The following TMEM215 variants were observed in gnomAD, a reference collection of about 807,000 sequenced individuals.
TMEM215 encodes transmembrane protein 215.
TMEM215 carries 12 observed loss-of-function variants against 14.7 expected under a neutral mutation model. The ratio of observed to expected loss-of-function variants is 0.82; its 90% CI spans 0.52 to 1.33. The LOEUF is 1.33. Among genes scored for constraint, TMEM215 ranks in the 40% most tolerant of loss-of-function variants. TMEM215 has a pLI of 0.00. For synonymous variants in TMEM215, 122 were observed against 124.8 expected, an observed-to-expected ratio of 0.98 and a Z score of 0.15; for missense variants, 276 against 296.2, an observed-to-expected ratio of 0.93 and a Z score of 0.50.
Position 32,783,858 on chromosome 9 carries a change from T to C in TMEM215, c.-59+53T>C. On this transcript the variant is annotated intron_variant, in intron 1 of 1. Coordinates refer to ENST00000342743, the MANE Select transcript of TMEM215 (RefSeq NM_212558.3). ...GTTGATATGAGAGAGAGACGGAGGT[T>C]GCAATAGTGAGAGGAAGAGAGGGAG... 1.4e-5 allele frequency: 4 copies of C among 284,314 alleles called. No individual in the cohort carries two copies. In the South Asian group the frequency reaches 2.2e-4, roughly 16 times the overall value. 17.6% of individuals were successfully genotyped at this position (284,314 alleles called of 1,614,324 possible).
Position 32,788,476 on chromosome 9 carries a change from A to T in TMEM215, c.*3585A>T, listed in dbSNP as rs926052570. On this transcript the variant is annotated 3_prime_UTR_variant, in exon 2 of 2. Coordinates refer to ENST00000342743, the MANE Select transcript of TMEM215 (RefSeq NM_212558.3). ...TAGTATTTCTAATTATCAATGAACG[A>T]TTGTGTAATATGCCATTTTAGTGAT... is the stretch of plus-strand genomic sequence containing the variant. 3.3e-5 allele frequency among the ~76,000 whole-genome samples: 5 copies of T among 152,158 alleles called. No homozygotes were observed. Among genetic ancestry groups the T allele is most frequent in the Admixed American group, 1.3e-4 (2 of 15,276 alleles).
rs1824510745 is a variant in TMEM215 at position 32,786,700 on chromosome 9, G to A, written c.*1809G>A. The A allele has an allele frequency of 6.0e-6, 1 of 166,896 alleles. No homozygotes were observed. The highest frequency in any genetic ancestry group is 6.6e-5 in the Admixed American group (1 of 15,266). The allele number at this position is 166,896 out of a possible 1,614,324, so 10.3% of individuals were successfully genotyped here. On this transcript the variant is annotated 3_prime_UTR_variant, in exon 2 of 2. Coordinates refer to ENST00000342743, the MANE Select transcript of TMEM215 (RefSeq NM_212558.3). ...TTATGATAATTATGTGACATACATT[G>A]CACAGCTACTACTCAAAAAAGAATT... is the stretch of plus-strand genomic sequence containing the variant.
At position 32,784,740 on chromosome 9, in the gene TMEM215, G is replaced by A. The variant is rs753542430; in HGVS notation, c.557G>A (p.Arg186Lys). ...ALDVKCSARD[R>K]SECPEPEDSI... ...GACGTCAAGTGCTCAGCAAGGGACA[G>A]ATCTGAGTGCCCTGAGCCTGAGGAT... The change falls in exon 2 of 2, where the codon AGA becomes AAA. Residue 186 changes from arginine (R) to lysine (K), a missense_variant. Physicochemically the swap from Arg to Lys is conservative, Grantham distance 26. Transcript: ENST00000342743. The A allele has an allele frequency of 3.7e-6, 6 of 1,614,136 alleles. No homozygotes were observed. The South Asian group carries it at 6.6e-5, about 18-fold the overall frequency.
Position 32,784,423 on chromosome 9 carries a change from G to A in TMEM215, c.240G>A (p.Leu80=). The A allele has an allele frequency of 6.2e-7, 1 of 1,614,186 alleles. No homozygotes were observed. Among genetic ancestry groups the A allele is most frequent in the Non-Finnish European group, 8.5e-7 (1 of 1,180,028 alleles). The part of the protein sequence containing the change: ...PENELLWVRK[L]PCFRKPKDKE... ...ACGAGCTGCTGTGGGTCCGCAAATTGCCCTGCTTCCGGAAACCCAAAGACA... is the reference window on the plus strand; with the variant it reads ...ACGAGCTGCTGTGGGTCCGCAAATTACCCTGCTTCCGGAAACCCAAAGACA... The change falls in exon 2 of 2, where the codon TTG becomes TTA. Residue 80 remains leucine, a synonymous_variant. Coordinates refer to ENST00000342743, the MANE Select transcript of TMEM215 (RefSeq NM_212558.3).
Position 32,786,555 on chromosome 9 carries a change from T to C in TMEM215, c.*1664T>C, listed in dbSNP as rs300639. Reference sequence around the variant, plus strand: ...TCTGTGAAGGGAGGGGGAACTGATTTACACTTGATTATTTCTATCATTCAT... The same window carrying C: ...TCTGTGAAGGGAGGGGGAACTGATTCACACTTGATTATTTCTATCATTCAT... On this transcript the variant is annotated 3_prime_UTR_variant, in exon 2 of 2. Coordinates refer to ENST00000342743, the MANE Select transcript of TMEM215 (RefSeq NM_212558.3). 0.9 allele frequency: 150,126 copies of C among 166,984 alleles called. 68,325 individuals carry two copies. Among genetic ancestry groups the C allele is most frequent in the East Asian group, 1 (5,164 of 5,188 alleles). 10.3% of individuals were successfully genotyped at this position (166,984 alleles called of 1,614,324 possible).
Position 32,787,295 on chromosome 9 carries a change from C to A in TMEM215, c.*2404C>A, listed in dbSNP as rs1414814442. The A allele has an allele frequency of 6.0e-6, 1 of 166,740 alleles. No individual in the cohort carries two copies. Among genetic ancestry groups the A allele is most frequent in the Non-Finnish European group, 1.5e-5 (1 of 68,002 alleles). The allele number at this position is 166,740 out of a possible 1,614,324, so 10.3% of individuals were successfully genotyped here. A position where few individuals can be genotyped will look rare whatever the true frequency, so the allele number is the denominator to read the frequency against. On this transcript the variant is annotated 3_prime_UTR_variant, in exon 2 of 2. Coordinates refer to ENST00000342743, the MANE Select transcript of TMEM215 (RefSeq NM_212558.3). ...TTCAAGTTCTACTTCAGAAGAAAACCTATTTCATGTTTCTTCTCCCATTAC... is the reference window on the plus strand; with the variant it reads ...TTCAAGTTCTACTTCAGAAGAAAACATATTTCATGTTTCTTCTCCCATTAC...
At chr9:32,783,914 C>A in intron 1 of TMEM215, 109 bp downstream of exon 1, 1 of 424,202 alleles carries the variant, frequency 2.4e-6, no homozygotes, top group Non-Finnish European at 4.2e-6. Flanking sequence ...GGAGAGGGGA[C>A]GGAGAGAAAG....
Position 32,787,300 on chromosome 9 carries a change from T to G in TMEM215, c.*2409T>G, listed in dbSNP as rs1824517348. ...GTTCTACTTCAGAAGAAAACCTATT[T>G]CATGTTTCTTCTCCCATTACCTACT... is the stretch of plus-strand genomic sequence containing the variant. On this transcript the variant is annotated 3_prime_UTR_variant, in exon 2 of 2. Coordinates refer to ENST00000342743, the MANE Select transcript of TMEM215 (RefSeq NM_212558.3). 6.0e-6 allele frequency: 1 copy of G among 166,908 alleles called. No homozygotes were observed. Among genetic ancestry groups the G allele is most frequent in the Non-Finnish European group, 1.5e-5 (1 of 68,032 alleles). 10.3% of individuals were successfully genotyped at this position (166,908 alleles called of 1,614,324 possible). A position where few individuals can be genotyped will look rare whatever the true frequency, so the allele number is the denominator to read the frequency against.
rs1824501567 is a variant in TMEM215 at position 32,785,908 on chromosome 9, C to T, written c.*1017C>T. The T allele has an allele frequency of 6.0e-6, 1 of 166,938 alleles. No homozygotes were observed. The highest frequency in any genetic ancestry group is 2.4e-5 in the African/African-American group (1 of 41,438). 10.3% of individuals were successfully genotyped at this position (166,938 alleles called of 1,614,324 possible). A position where few individuals can be genotyped will look rare whatever the true frequency, so the allele number is the denominator to read the frequency against. On this transcript the variant is annotated 3_prime_UTR_variant, in exon 2 of 2. Coordinates refer to ENST00000342743, the MANE Select transcript of TMEM215 (RefSeq NM_212558.3). Reference sequence around the variant, plus strand: ...ACCTTTGGAAGTGTCATTATTTGTACATTTGTTCAACTCCTCTCACAGACT... The same window carrying T: ...ACCTTTGGAAGTGTCATTATTTGTATATTTGTTCAACTCCTCTCACAGACT...
rs931982897 is a variant in TMEM215, at chr9:32,787,688, A to G, written c.*2797A>G. Among the ~76,000 whole-genome samples, 1 of 152,132 alleles carries G rather than the reference A, an allele frequency of 6.6e-6. No individual in the cohort carries two copies. The highest frequency in any genetic ancestry group is 1.5e-5 in the Non-Finnish European group (1 of 67,976). The stretch of plus-strand genomic sequence containing the variant: ...AGCAACTCATTCTGATGAGTTACAC[A>G]GTTTTAGCAAATTGTTCTTATCAAT... On this transcript the variant is annotated 3_prime_UTR_variant, in exon 2 of 2. Transcript: ENST00000342743.
chr9:32,784,963 T>TCCAA lies in TMEM215; in HGVS notation c.*72_*73insCCAA. 13 of 1,306,410 alleles carry TCCAA rather than the reference T, an allele frequency of 1.0e-5. No homozygotes were observed. Among genetic ancestry groups the TCCAA allele is most frequent in the South Asian group, 1.3e-5 (1 of 75,378 alleles). 80.9% of individuals were successfully genotyped at this position (1,306,410 alleles called of 1,614,324 possible). A position where few individuals can be genotyped will look rare whatever the true frequency, so the allele number is the denominator to read the frequency against. ...AGCTCCCCGTGGAAGCAAATTGCTC[T>TCCAA]GCTTGGAGAGCCTTCACACTGTTAG... is the stretch of plus-strand genomic sequence containing the variant. On this transcript the variant is annotated 3_prime_UTR_variant, in exon 2 of 2. Coordinates refer to ENST00000342743, the MANE Select transcript of TMEM215 (RefSeq NM_212558.3).
At position 32,785,980 on chromosome 9, in the gene TMEM215, C is replaced by A. The variant is rs932972223; in HGVS notation, c.*1089C>A. On this transcript the variant is annotated 3_prime_UTR_variant, in exon 2 of 2. Coordinates refer to ENST00000342743, the MANE Select transcript of TMEM215 (RefSeq NM_212558.3). Reference sequence around the variant, plus strand: ...ACTCATCTACTAAATTTAACTGAAGCCTAGATTTTATTAAGCTCACCTGAT... The same window carrying A: ...ACTCATCTACTAAATTTAACTGAAGACTAGATTTTATTAAGCTCACCTGAT... 6.0e-6 allele frequency: 1 copy of A among 166,902 alleles called. No homozygotes were observed. The highest frequency in any genetic ancestry group is 6.5e-5 in the Admixed American group (1 of 15,268). The allele number at this position is 166,902 out of a possible 1,614,324, so 10.3% of individuals were successfully genotyped here.
rs542711879 is a variant in TMEM215 at position 32,786,623 on chromosome 9, A to C, written c.*1732A>C. On this transcript the variant is annotated 3_prime_UTR_variant, in exon 2 of 2. Transcript: ENST00000342743. ...TATGGTGTTATGTCAAAGGCATTTT[A>C]TATATTGCCAGGAAATGAGTTACAG... 6.0e-5 allele frequency: 10 copies of C among 167,104 alleles called. No individual in the cohort carries two copies. The highest frequency in any genetic ancestry group is 1.9e-4 in the African/African-American group (8 of 41,578). 10.4% of individuals were successfully genotyped at this position (167,104 alleles called of 1,614,324 possible).
In TMEM215 at chr9:32,787,121, G is replaced by T. The variant is rs1327669896; in HGVS notation, c.*2230G>T. The T allele has an allele frequency of 1.2e-5, 2 of 166,982 alleles. No individual in the cohort carries two copies. Among genetic ancestry groups the T allele is most frequent in the Non-Finnish European group, 2.9e-5 (2 of 68,028 alleles). 10.3% of individuals were successfully genotyped at this position (166,982 alleles called of 1,614,324 possible). ...ATAATGCTGCAATTTTCTGAAAGAA[G>T]ATGCTTGCAGTGTCAGGTATGGTTT... On this transcript the variant is annotated 3_prime_UTR_variant, in exon 2 of 2. Coordinates refer to ENST00000342743, the MANE Select transcript of TMEM215 (RefSeq NM_212558.3).
Position 32,784,318 on chromosome 9 carries a change from C to T in TMEM215, c.135C>T (p.Ile45=), listed in dbSNP as rs756203663. The change falls in exon 2 of 2, where the codon ATC becomes ATT. Residue 45 remains isoleucine, a synonymous_variant. Coordinates refer to ENST00000342743, the MANE Select transcript of TMEM215 (RefSeq NM_212558.3). ...TGGGAAACATCCCCCTCCTGGCCATCGGGCCAGCCATCTGCCTACCAGGCA... is the reference window on the plus strand; with the variant it reads ...TGGGAAACATCCCCCTCCTGGCCATTGGGCCAGCCATCTGCCTACCAGGCA... The part of the protein sequence containing the change: ...ETLGNIPLLA[I]GPAICLPGIA... 1.2e-6 allele frequency: 2 copies of T among 1,614,224 alleles called. No homozygotes were observed. The highest frequency in any genetic ancestry group is 1.1e-5 in the South Asian group (1 of 91,084).
chr9:32,784,237 T>C lies in TMEM215; in HGVS notation c.54T>C (p.Ser18=). The C allele has an allele frequency of 1.9e-6, 3 of 1,614,122 alleles. No homozygotes were observed. The highest frequency in any genetic ancestry group is 2.5e-6 in the Non-Finnish European group (3 of 1,180,012). ...PRTGLVVALV[S]VFLVFGFMFT... is the part of the protein sequence containing the mutation. ...CTGGGCTGGTGGTGGCCCTGGTCAG[T>C]GTCTTCCTCGTCTTTGGTTTCATGT... The change falls in exon 2 of 2, where the codon AGT becomes AGC. Residue 18 remains serine (S), a synonymous_variant. Coordinates refer to ENST00000342743, the MANE Select transcript of TMEM215 (RefSeq NM_212558.3).
chr9:32,783,975 T>C (rs555702607), intron 1 of TMEM215, among the ~76,000 whole-genome samples, 151 bp from the exon 2 acceptor site: 2 of 151,464 alleles, frequency 1.3e-5, no homozygotes, highest in Non-Finnish European at 2.9e-5. Flanking sequence ...GAGAGAGAGA[T>C]AGAGAGATTG....
Position 32,784,605 on chromosome 9 carries a change from C to G in TMEM215, c.422C>G (p.Thr141Arg). The G allele has an allele frequency of 1.2e-6, 2 of 1,613,556 alleles. No homozygotes were observed. Among genetic ancestry groups the G allele is most frequent in the Non-Finnish European group, 1.7e-6 (2 of 1,179,864 alleles). The change falls in exon 2 of 2, where the codon ACG becomes AGG. Residue 141 changes from threonine to arginine, a missense_variant. Transcript: ENST00000342743. Reference protein sequence around the residue: ...VASSINSPTPTEEGECQSLVQ... With the variant: ...VASSINSPTPREEGECQSLVQ... The stretch of plus-strand genomic sequence containing the variant: ...AGCTCCATCAACAGCCCCACACCCA[C>G]GGAGGAAGGAGAATGCCAGAGCCTC...
Position 32,788,284 on chromosome 9 carries a change from G to T in TMEM215, c.*3393G>T, listed in dbSNP as rs528177147. Reference sequence around the variant, plus strand: ...AGTATTTTATCACAGTAAAGAAAAGGTTTCTGAAAACCCACAACCTCACTA... The same window carrying T: ...AGTATTTTATCACAGTAAAGAAAAGTTTTCTGAAAACCCACAACCTCACTA... On this transcript the variant is annotated 3_prime_UTR_variant, in exon 2 of 2. Transcript: ENST00000342743. Among the ~76,000 whole-genome samples the T allele has an allele frequency of 3.4e-4, 52 of 152,176 alleles. No homozygotes were observed. Among genetic ancestry groups the T allele is most frequent in the African/African-American group, 2.2e-4 (9 of 41,534 alleles).
Sources: gnomAD v4.1 joint callset for allele counts (sites outside exome capture counted in the v4.1 genomes callset) on GRCh38, gnomAD v4.1.1 for gene constraint, MANE v1.5 for transcripts, NCBI Gene and HGNC (gene_info 2026-07-23, HGNC 2026-07-21) for gene names.